ADAMTS3: variants seen among roughly 807,000 people sequenced by gnomAD.
ADAMTS3 encodes A disintegrin and metalloproteinase with thrombospondin motifs 3.
In ADAMTS3, 73 loss-of-function variants were observed where a neutral mutation model predicts 129.0. The ratio of observed to expected loss-of-function variants is 0.57; its 90% CI spans 0.47 to 0.69. ADAMTS3 has a LOEUF of 0.69. Among genes scored for constraint, ADAMTS3 ranks in the 30% least tolerant of loss-of-function variants. The pLI, the probability that ADAMTS3 is intolerant of heterozygous loss-of-function variation, is 0.00. For missense variants in ADAMTS3, 1,457 were observed against 1,514.5 expected (o/e 0.96, Z 0.63); for synonymous variants, 477 against 510.8 (o/e 0.93, Z 0.89).
intron 4 of ADAMTS3, among the ~76,000 whole-genome samples, chr4:72,346,514 C>T (rs1488715731): frequency 6.6e-6 from 1 of 152,064 alleles, no homozygotes; most frequent in African/African-American, 2.4e-5. Flanking sequence ...AGTGGATTCT[C>T]ATAATTGTTG....
chr4:72,314,364 T>C lies in ADAMTS3; in HGVS notation c.1600-542A>G, dbSNP rs186831051. ...GGGTCATACATATATCATCAACAAT[T>C]AGATGAGGAAAATTGAGGCCCAGAA... On this transcript the variant is annotated intron_variant, in intron 11 of 21. Coordinates refer to ENST00000286657, the MANE Select transcript of ADAMTS3 (RefSeq NM_014243.3). Among the ~76,000 whole-genome samples the C allele has an allele frequency of 1.7e-4, 26 of 152,238 alleles. No individual in the cohort carries two copies. The East Asian group carries it at 4.8e-3, about 28-fold the overall frequency.
intron 4 of ADAMTS3, among the ~76,000 whole-genome samples, chr4:72,406,293 G>T (rs1722051036): frequency 6.6e-6 from 1 of 152,092 alleles, no homozygotes; most frequent in African/African-American, 2.4e-5. Context: ...TACTTGGCCA[G>T]CCACAGGAAC....
chr4:72,296,914 T>C (rs1718823897), intron 18 of ADAMTS3, among the ~76,000 whole-genome samples: 1 of 152,108 alleles, frequency 6.6e-6, no homozygotes. Flanking sequence ...TTACGGCATT[T>C]ACTAGTTTTG....
intron 3 of ADAMTS3, among the ~76,000 whole-genome samples, chr4:72,493,980 T>C (rs1258512973): frequency 6.6e-6 from 1 of 152,174 alleles, no homozygotes; most frequent in Non-Finnish European, 1.5e-5. Context: ...GAGTTGCTTT[T>C]CTCTTGCTGC....
intron 5 of ADAMTS3, among the ~76,000 whole-genome samples, chr4:72,331,591 C>T (rs1224351331): frequency 6.6e-6 from 1 of 152,150 alleles, no homozygotes; most frequent in Non-Finnish European, 1.5e-5. Context: ...TTAGCCCCAG[C>T]TTCTCTTTCC....
intron 4 of ADAMTS3, among the ~76,000 whole-genome samples, chr4:72,342,423 G>C (rs1386787022): frequency 1.3e-5 from 2 of 149,292 alleles, no homozygotes; most frequent in Non-Finnish European, 3.0e-5. Context: ...GAGTGCAGTG[G>C]TGTGATATAG....
chr4:72,309,632 T>C lies in ADAMTS3; in HGVS notation c.2056-112A>G, dbSNP rs140794421. 9.3e-4 allele frequency: 1,091 copies of C among 1,170,600 alleles called. 12 individuals are homozygous for C. The highest frequency in any genetic ancestry group is 1.7e-4 in the Non-Finnish European group (143 of 847,244). 72.5% of individuals were successfully genotyped at this position (1,170,600 alleles called of 1,614,324 possible). ...TCATGGCCCACAGTCAGCCAATTTA[T>C]AGCAAACTGCCACTGTAGTCATAAT... On this transcript the variant is annotated intron_variant, in intron 14 of 21. Coordinates refer to ENST00000286657, the MANE Select transcript of ADAMTS3 (RefSeq NM_014243.3).
At chr4:72,533,829 AATAC>A (rs1188948633) in intron 3 of ADAMTS3, among the ~76,000 whole-genome samples, 1 of 152,158 alleles carries the variant, frequency 6.6e-6, no homozygotes, top group African/African-American at 2.4e-5. Context: ...AGGATTAAAA[AATAC>A]ATTTTAAAAA....
intron 3 of ADAMTS3, among the ~76,000 whole-genome samples, chr4:72,441,435 ATGTATG>A (rs1422789781): frequency 6.6e-6 from 1 of 151,748 alleles, no homozygotes; most frequent in Non-Finnish European, 1.5e-5. Context: ...GTTGTTTGTC[ATGTATG>A]TGTTGTGAAT....
chr4:72,340,160 C>T (rs970273238), intron 4 of ADAMTS3, among the ~76,000 whole-genome samples: 12 of 152,162 alleles, frequency 7.9e-5, no homozygotes, highest in African/African-American at 1.2e-4. Context: ...TTTCCAGTAA[C>T]CTTAATTTAA....
intron 3 of ADAMTS3, among the ~76,000 whole-genome samples, chr4:72,522,462 C>T (rs2109744607): frequency 6.6e-6 from 1 of 152,240 alleles, no homozygotes; most frequent in East Asian, 1.9e-4. Flanking sequence ...CAGATCCTTG[C>T]TTGTTGAGGA....
chr4:72,436,945 T>C (rs989909132), intron 3 of ADAMTS3, among the ~76,000 whole-genome samples: 1 of 152,136 alleles, frequency 6.6e-6, no homozygotes, highest in Non-Finnish European at 1.5e-5. Flanking sequence ...ACATGGCACT[T>C]GTATACATAT....
chr4:72,461,231 TA>T (rs1718761116), intron 3 of ADAMTS3, among the ~76,000 whole-genome samples: 1 of 151,246 alleles, frequency 6.6e-6, no homozygotes, highest in African/African-American at 2.4e-5. Context: ...AAATATGAAA[TA>T]AAAAATATGA....
chr4:72,529,775 T>C (rs1368247294), intron 3 of ADAMTS3, among the ~76,000 whole-genome samples: 2 of 101,400 alleles, frequency 2.0e-5, no homozygotes, highest in African/African-American at 7.7e-5. Flanking sequence ...TATATGTTAA[T>C]TAATATATGA....
At chr4:72,438,665 C>G (rs917690893) in intron 3 of ADAMTS3, among the ~76,000 whole-genome samples, 2 of 151,664 alleles carry the variant, frequency 1.3e-5, no homozygotes, top group Non-Finnish European at 2.9e-5. Flanking sequence ...GAAACAAACA[C>G]AAGTAGTATT....
At chr4:72,558,413 C>A (rs898948922) in intron 2 of ADAMTS3, among the ~76,000 whole-genome samples, 1 of 151,608 alleles carries the variant, frequency 6.6e-6, no homozygotes, top group Non-Finnish European at 1.5e-5. Context: ...GGACTAAGTC[C>A]TCCTGCTACC....
intron 3 of ADAMTS3, among the ~76,000 whole-genome samples, chr4:72,430,827 T>TA (rs5859322): frequency 0.62 from 88,693 of 142,996 alleles, 27,534 homozygotes; most frequent in South Asian, 0.79. Flanking sequence ...CCAAAATCAT[T>TA]AAAAAAAAAA....
intron 4 of ADAMTS3, among the ~76,000 whole-genome samples, chr4:72,381,385 C>CT (rs1721285245): frequency 2.0e-5 from 3 of 152,052 alleles, no homozygotes; most frequent in Admixed American, 6.6e-5. Context: ...ACATCGAGTG[C>CT]TATTGGATTA....
chr4:72,327,916 G>T (rs372881642), intron 5 of ADAMTS3, among the ~76,000 whole-genome samples: 4 of 152,074 alleles, frequency 2.6e-5, no homozygotes, highest in African/African-American at 9.7e-5. Context: ...CAGTATAACA[G>T]TATTCCAGAA....
Sources: gnomAD v4.1 joint callset for allele counts (sites outside exome capture counted in the v4.1 genomes callset) on GRCh38, gnomAD v4.1.1 for gene constraint, MANE v1.5 for transcripts, NCBI Gene and HGNC (gene_info 2026-07-23, HGNC 2026-07-21) for gene names.